Variants in GCNT1 observed in about 807,000 individuals in gnomAD.
The protein encoded by GCNT1 is beta-1,3-galactosyl-O-glycosyl-glycoprotein beta-1,6-N-acetylglucosaminyltransferase.
In GCNT1, 16 loss-of-function variants were observed where a neutral mutation model predicts 26.2. The observed-to-expected ratio is 0.61, with a 90% CI of 0.41 to 0.93. The LOEUF (loss-of-function observed/expected upper bound fraction) is 0.93, where lower values mean the gene tolerates loss of function less well. GCNT1 is among the 40% of genes least tolerant of loss of function. GCNT1 has a pLI of 0.00. For synonymous variants in GCNT1, 183 were observed against 190.8 expected (o/e 0.96, Z 0.34); for missense variants, 477 against 526.7 (o/e 0.91, Z 0.92).
the GCNT1 span, among the ~76,000 whole-genome samples, chr9:76,396,560 G>C: frequency 6.6e-6 from 1 of 152,170 alleles, no homozygotes; most frequent in Non-Finnish European, 1.5e-5. Flanking sequence ...AATCAGCCAG[G>C]GCCTGGCACA....
At chr9:76,401,489 TC>T in the GCNT1 span, among the ~76,000 whole-genome samples, 5 of 152,212 alleles carry the variant, frequency 3.3e-5, no homozygotes, top group African/African-American at 1.2e-4. Context: ...AAAATTTACT[TC>T]ATGTAGTACA....
chr9:76,419,448 T>C (rs1029083948), upstream of GCNT1, among the ~76,000 whole-genome samples: 3 of 152,290 alleles, frequency 2.0e-5, no homozygotes, highest in East Asian at 5.8e-4. Flanking sequence ...GGCGGGAGAA[T>C]CGCTTGACCC....
rs557456547 is a variant in GCNT1, at chr9:76,433,476, T to C, written n.38+13589T>C. ...CTCATCTGTATGCTGGAGTCCACCA[T>C]GGGAGTCACTTGCCACATGCCTGGG... is the stretch of plus-strand genomic sequence containing the variant. On this transcript the variant is annotated intron_variant and non_coding_transcript_variant, in intron 1 of 3. Coordinates refer to the GCNT1 transcript ENST00000488136. Among the ~76,000 whole-genome samples the C allele has an allele frequency of 1.8e-4, 27 of 152,304 alleles. 1 individual carries two copies. The highest frequency in any genetic ancestry group is 3.5e-4 in the Non-Finnish European group (24 of 68,034).
intron 1 of GCNT1, among the ~76,000 whole-genome samples, chr9:76,421,686 GTTGTTT>G (rs1823198204): frequency 3.6e-5 from 3 of 84,378 alleles, no homozygotes; most frequent in African/African-American, 4.9e-5. Flanking sequence ...TTGTTTGTAG[GTTGTTT>G]TTTTTTTTTT....
intron 2 of GCNT1, among the ~76,000 whole-genome samples, chr9:76,474,023 C>T (rs1824199988): frequency 6.6e-6 from 1 of 152,108 alleles, no homozygotes; most frequent in Non-Finnish European, 1.5e-5. Flanking sequence ...CGCTTTGAAC[C>T]TGGGAAGTCG....
At chr9:76,452,112 G>T (rs940326877) in intron 1 of GCNT1, among the ~76,000 whole-genome samples, 1 of 151,810 alleles carries the variant, frequency 6.6e-6, no homozygotes, top group African/African-American at 2.4e-5. Context: ...GGGATTACAG[G>T]CCCCTGCCAC....
At chr9:76,438,376 T>A (rs1235247806), upstream of GCNT1, among the ~76,000 whole-genome samples, 1 of 152,194 alleles carries the variant, frequency 6.6e-6, no homozygotes, top group African/African-American at 2.4e-5. Flanking sequence ...ATGTCTGGGT[T>A]ATAATAAGGT....
intron 1 of GCNT1, among the ~76,000 whole-genome samples, chr9:76,436,598 CAAAAA>C (rs1178497535): frequency 1.7e-4 from 7 of 41,122 alleles, no homozygotes; most frequent in Non-Finnish European, 2.8e-4. Flanking sequence ...GATTCCATCT[CAAAAA>C]AAAAAAAAAA....
At chr9:76,463,210 C>G (rs1823912937) in intron 2 of GCNT1, among the ~76,000 whole-genome samples, 1 of 152,090 alleles carries the variant, frequency 6.6e-6, no homozygotes, top group African/African-American at 2.4e-5. Context: ...TCCACTGTTC[C>G]CTTCCAGAAA....
intron 1 of GCNT1, among the ~76,000 whole-genome samples, chr9:76,452,157 TG>T (rs1823678625): frequency 6.6e-6 from 1 of 152,056 alleles, no homozygotes; most frequent in Non-Finnish European, 1.5e-5. Context: ...TTAGTACAGA[TG>T]GGGTTTCACC....
At chr9:76,495,421 T>C (rs1449881194) in intron 2 of GCNT1, among the ~76,000 whole-genome samples, 6 of 152,130 alleles carry the variant, frequency 3.9e-5, no homozygotes, top group Non-Finnish European at 8.8e-5. Context: ...AACAGCAAGA[T>C]TTATTGTGAA....
At chr9:76,393,975 G>C in the GCNT1 span, 1 of 927,824 alleles carries the variant, frequency 1.1e-6, no homozygotes, top group Non-Finnish European at 1.6e-6. Flanking sequence ...GAGGAAGGGT[G>C]TGCTCTCTGC....
At chr9:76,477,628 A>C (rs1284536727) in intron 2 of GCNT1, among the ~76,000 whole-genome samples, 1 of 152,188 alleles carries the variant, frequency 6.6e-6, no homozygotes, top group Admixed American at 6.5e-5. Flanking sequence ...GCATCTTTTA[A>C]AATCATAACA....
chr9:76,432,557 T>C (rs1041407826), intron 1 of GCNT1, among the ~76,000 whole-genome samples: 1 of 152,094 alleles, frequency 6.6e-6, no homozygotes, highest in Admixed American at 6.6e-5. Flanking sequence ...CCAGGCTGGT[T>C]GAGAACTCCT....
At chr9:76,401,415 A>G in the GCNT1 span, among the ~76,000 whole-genome samples, 1 of 152,164 alleles carries the variant, frequency 6.6e-6, no homozygotes, top group Non-Finnish European at 1.5e-5. Context: ...ACAGGTGTAC[A>G]CCACCATGCC....
intron 2 of GCNT1, among the ~76,000 whole-genome samples, chr9:76,493,909 T>C (rs1445385323): frequency 1.3e-5 from 2 of 152,070 alleles, no homozygotes; most frequent in African/African-American, 2.4e-5. Flanking sequence ...AGAGAGAATA[T>C]TGGGGCCAGG....
intron 2 of GCNT1, among the ~76,000 whole-genome samples, chr9:76,487,618 G>A (rs757436396): frequency 6.6e-6 from 1 of 152,120 alleles, no homozygotes; most frequent in Non-Finnish European, 1.5e-5. Context: ...AGTCTGCTGT[G>A]GTTGTCTGTT....
chr9:76,462,542 T>G (rs1823895866), intron 2 of GCNT1, among the ~76,000 whole-genome samples: 1 of 152,228 alleles, frequency 6.6e-6, no homozygotes, highest in African/African-American at 2.4e-5. Context: ...TGCAGTTAAA[T>G]GACCCCAAAT....
the GCNT1 span, among the ~76,000 whole-genome samples, chr9:76,406,219 T>C: frequency 1.3e-5 from 2 of 152,270 alleles, no homozygotes; most frequent in African/African-American, 4.8e-5. Flanking sequence ...TTTAAAAACA[T>C]CAGACCAGAT....
Sources: allele counts gnomAD v4.1 joint callset (sites outside exome capture counted in the v4.1 genomes callset), GRCh38; gene constraint gnomAD v4.1.1; transcripts MANE v1.5; gene names NCBI Gene and HGNC (gene_info 2026-07-23, HGNC 2026-07-21).